The following SELENOF variants were observed in gnomAD, a reference collection of about 807,000 sequenced individuals.
SELENOF encodes the protein selenoprotein F.
Under a neutral mutation model 20.5 loss-of-function variants are expected in SELENOF, and 16 were observed. The observed-to-expected ratio is 0.78, with a 90% CI of 0.53 to 1.19. SELENOF has a LOEUF of 1.19. Among genes scored for constraint, SELENOF ranks in the 50% most tolerant of loss-of-function variants. The pLI is 0.00. For synonymous variants in SELENOF, 78 were observed against 74.5 expected (o/e 1.05, Z -0.24); for missense variants, 215 against 194.2 (o/e 1.11, Z -0.64).
intron 1 of SELENOF, among the ~76,000 whole-genome samples, chr1:86,906,471 G>A (rs1336202489): frequency 1.3e-5 from 2 of 152,100 alleles, no homozygotes; most frequent in Non-Finnish European, 2.9e-5. Flanking sequence ...ATCTGGGCAC[G>A]GGCCATGACT....
chr1:86,913,841 A>G (rs1660057019), intron 1 of SELENOF, 187 bp downstream of exon 1: 1 of 607,042 alleles, frequency 1.6e-6, no homozygotes. Context: ...AACTGCTGCT[A>G]GAAACCCAAG....
chr1:86,897,610 ATCTG>A (rs1659559332), intron 2 of SELENOF, among the ~76,000 whole-genome samples: 1 of 152,182 alleles, frequency 6.6e-6, no homozygotes, highest in Admixed American at 6.5e-5. Context: ...GAACTGCTTC[ATCTG>A]TCTGCTTTCC....
chr1:86,908,960 A>G (rs1659902978), intron 1 of SELENOF, among the ~76,000 whole-genome samples: 2 of 152,248 alleles, frequency 1.3e-5, no homozygotes, highest in Admixed American at 1.3e-4. Flanking sequence ...GCAGTTATTA[A>G]CTTGAAATTA....
Position 86,862,817 on chromosome 1 carries a change from G to C in SELENOF, c.*657C>G, listed in dbSNP as rs576535795. ...AATGTAAAACTCAAAAATTTGCCAA[G>C]TATGTATCTGATCCACACAAATCCC... On this transcript the variant is annotated 3_prime_UTR_variant, in exon 5 of 5. Coordinates refer to ENST00000331835, the MANE Select transcript of SELENOF (RefSeq NM_004261.5). The C allele has an allele frequency of 6.6e-6, 1 of 152,518 alleles. No homozygotes were observed. The highest frequency in any genetic ancestry group is 1.5e-5 in the Non-Finnish European group (1 of 68,024). 9.4% of individuals were successfully genotyped at this position (152,518 alleles called of 1,614,324 possible).
Position 86,885,224 on chromosome 1 carries a change from A to G in SELENOF, c.253-4499T>C, listed in dbSNP as rs563166834. ...GAAATCCAAAACACTTCTAGTCCCA[A>G]TAATTCCAGATAACAGCTACTCAAA... is the stretch of plus-strand genomic sequence containing the variant. On this transcript the variant is annotated intron_variant, in intron 2 of 4. Coordinates refer to ENST00000331835, the MANE Select transcript of SELENOF (RefSeq NM_004261.5). Among the ~76,000 whole-genome samples the G allele has an allele frequency of 4.1e-4, 63 of 152,328 alleles. 2 individuals carry two copies. In the South Asian group the frequency reaches 0.012, roughly 30 times the overall value.
intron 3 of SELENOF, among the ~76,000 whole-genome samples, chr1:86,875,487 T>G (rs1658902889): frequency 6.6e-6 from 1 of 152,104 alleles, no homozygotes; most frequent in Non-Finnish European, 1.5e-5. Flanking sequence ...ATATAACAAA[T>G]GGAAACACAG....
intron 2 of SELENOF, among the ~76,000 whole-genome samples, chr1:86,900,673 C>G (rs1659678586): frequency 2.0e-5 from 3 of 151,322 alleles, no homozygotes; most frequent in Non-Finnish European, 3.0e-5. Flanking sequence ...GAGACGGAGA[C>G]AGAGACGGAG....
chr1:86,908,750 T>A (rs1168695008), intron 1 of SELENOF, among the ~76,000 whole-genome samples: 7 of 152,204 alleles, frequency 4.6e-5, no homozygotes. Context: ...GTGTAGTGCC[T>A]TTTTGAATGA....
chr1:86,889,176 T>C (rs1659314841), intron 2 of SELENOF, among the ~76,000 whole-genome samples: 1 of 152,126 alleles, frequency 6.6e-6, no homozygotes, highest in African/African-American at 2.4e-5. Context: ...CATTTAAAAT[T>C]TTTGCTTTAC....
intron 2 of SELENOF, among the ~76,000 whole-genome samples, chr1:86,890,895 C>T (rs1659366380): frequency 6.6e-6 from 1 of 152,012 alleles, no homozygotes; most frequent in Admixed American, 6.6e-5. Context: ...CATGAGATAC[C>T]AGCTTTAAGA....
intron 1 of SELENOF, among the ~76,000 whole-genome samples, chr1:86,907,413 T>A (rs1234814617): frequency 1.3e-5 from 2 of 152,228 alleles, no homozygotes. Context: ...AGCTGTTCTA[T>A]CACTGGTTTT....
At chr1:86,905,323 T>A (rs570943989) in intron 1 of SELENOF, among the ~76,000 whole-genome samples, 1 of 152,342 alleles carries the variant, frequency 6.6e-6, no homozygotes, top group Non-Finnish European at 1.5e-5. Flanking sequence ...TCCTATAGTA[T>A]CTTGAAGTAT....
chr1:86,913,881 T>C (rs1422109265), intron 1 of SELENOF, 147 bp downstream of exon 1: 1 of 710,276 alleles, frequency 1.4e-6, no homozygotes, highest in African/African-American at 1.8e-5. Context: ...AACCGAGAAA[T>C]TAAGCCACGT....
At chr1:86,907,602 C>A (rs961963077) in intron 1 of SELENOF, among the ~76,000 whole-genome samples, 1 of 152,138 alleles carries the variant, frequency 6.6e-6, no homozygotes, top group Admixed American at 6.5e-5. Context: ...TAATTAGCCA[C>A]ACTTGTAAGA....
At chr1:86,882,350 C>T (rs975031406) in intron 2 of SELENOF, among the ~76,000 whole-genome samples, 26 of 146,590 alleles carry the variant, frequency 1.8e-4, no homozygotes, top group Non-Finnish European at 3.6e-4. Flanking sequence ...CTTGGTTAGA[C>T]AACTCCAGAA....
chr1:86,866,383 G>A (rs1053694860), intron 4 of SELENOF, among the ~76,000 whole-genome samples: 19 of 147,716 alleles, frequency 1.3e-4, no homozygotes, highest in African/African-American at 4.4e-4. Context: ...TCCACTCATA[G>A]TAAGTATCTG....
At chr1:86,885,954 C>T (rs1163069883) in intron 2 of SELENOF, among the ~76,000 whole-genome samples, 8 of 152,122 alleles carry the variant, frequency 5.3e-5, no homozygotes, top group Admixed American at 3.9e-4. Context: ...ATTAATACTT[C>T]CACAGTATTG....
intron 3 of SELENOF, among the ~76,000 whole-genome samples, chr1:86,869,998 C>A (rs563314361): frequency 6.6e-6 from 1 of 152,300 alleles, no homozygotes; most frequent in Non-Finnish European, 1.5e-5. Flanking sequence ...TGGTCTCGAT[C>A]TCCTGACCTT....
intron 4 of SELENOF, among the ~76,000 whole-genome samples, chr1:86,864,854 G>A (rs1658551642): frequency 6.6e-6 from 1 of 151,834 alleles, no homozygotes; most frequent in Non-Finnish European, 1.5e-5. Context: ...GGTTGGTCTC[G>A]AACTCCTGAC....
Sources: allele counts gnomAD v4.1 joint callset (sites outside exome capture counted in the v4.1 genomes callset), GRCh38; gene constraint gnomAD v4.1.1; transcripts MANE v1.5; gene names NCBI Gene and HGNC (gene_info 2026-07-23, HGNC 2026-07-21).